The following ZSCAN32 variants were observed in gnomAD, a reference collection of about 807,000 sequenced individuals.
ZSCAN32 encodes the protein zinc finger and SCAN domain-containing protein 32.
Under a neutral mutation model 47.4 loss-of-function variants are expected in ZSCAN32, and 52 were observed. The observed-to-expected ratio is 1.10, with a 90% CI of 0.88 to 1.38. The LOEUF is 1.38. ZSCAN32 is among the 40% of genes most tolerant of loss of function. The probability of loss-of-function intolerance (pLI) is 0.00; values close to 1 mark genes in which losing one functional copy is unlikely to be tolerated. For synonymous variants in ZSCAN32, 346 were observed against 305.7 expected, an observed-to-expected ratio of 1.13 and a Z score of -1.38; for missense variants, 959 against 846.0, an observed-to-expected ratio of 1.13 and a Z score of -1.66.
Position 3,400,709 on chromosome 16 carries a change from G to C in ZSCAN32, c.-188+236C>G, listed in dbSNP as rs561857406. 4.6e-5 allele frequency among the ~76,000 whole-genome samples: 7 copies of C among 152,352 alleles called. No homozygotes were observed. The East Asian group carries it at 1.2e-3, about 25-fold the overall frequency. Reference sequence around the variant, plus strand: ...GACGAGATGAGCAGGGTCAAGGCCAGGGGGTCCCGGGGCGCCGGCGCTCAG... The same window carrying C: ...GACGAGATGAGCAGGGTCAAGGCCACGGGGTCCCGGGGCGCCGGCGCTCAG... On this transcript the variant is annotated intron_variant, in intron 1 of 6. Coordinates refer to ENST00000396852, the MANE Select transcript of ZSCAN32 (RefSeq NM_001284527.2).
chr16:3,387,603 C>A (rs2032169159), intron 5 of ZSCAN32, among the ~76,000 whole-genome samples: 1 of 152,196 alleles, frequency 6.6e-6, no homozygotes, highest in Non-Finnish European at 1.5e-5. Context: ...CTGAAGCGCA[C>A]CAGCCTCTTC....
intron 5 of ZSCAN32, among the ~76,000 whole-genome samples, chr16:3,385,840 C>G (rs534580011): frequency 0.075 from 11,350 of 152,114 alleles, 561 homozygotes; most frequent in Non-Finnish European, 0.11. Flanking sequence ...CCATAAAAAC[C>G]CTAGAAGAAA....
rs1192616819 is a variant in ZSCAN32 at position 3,393,629 on chromosome 16, G to A, written c.532+20C>T. 3 of 1,536,296 alleles carry A rather than the reference G, an allele frequency of 2.0e-6. No individual in the cohort carries two copies. Among genetic ancestry groups the A allele is most frequent in the African/African-American group, 1.4e-5 (1 of 72,552 alleles). ...ATTGTTCCTCACCTGCCTCAGGTGAGGACAGAGGCTTCTGCTTACCTTCTG... is the reference window on the plus strand; with the variant it reads ...ATTGTTCCTCACCTGCCTCAGGTGAAGACAGAGGCTTCTGCTTACCTTCTG... On this transcript the variant is annotated intron_variant, in intron 3 of 6. Transcript: ENST00000396852.
intron 2 of ZSCAN32, among the ~76,000 whole-genome samples, chr16:3,396,926 C>T (rs1303409551): frequency 6.6e-6 from 1 of 152,194 alleles, no homozygotes; most frequent in Non-Finnish European, 1.5e-5. Flanking sequence ...TTTCCCTGGC[C>T]TTGTTTTCGA....
Position 3,390,502 on chromosome 16 carries a change from T to C in ZSCAN32, c.548A>G (p.Gln183Arg), listed in dbSNP as rs1201240534. 4 of 1,548,726 alleles carry C rather than the reference T, an allele frequency of 2.6e-6. No homozygotes were observed. The East Asian group carries it at 9.8e-5, about 38-fold the overall frequency. Residue 183 changes from glutamine (Q) to arginine (R), a missense_variant, in exon 4 of 7, where the codon CAG becomes CGG. Coordinates refer to ENST00000396852, the MANE Select transcript of ZSCAN32 (RefSeq NM_001284527.2). Reference protein sequence around the residue: ...GEQSEAWLAPQAPRNLPQNTG... With the variant: ...GEQSEAWLAPRAPRNLPQNTG... ...GTTTTGAGGCAGGTTCCTGGGAGCC[T>C]GAGGAGCAAGCCAGGCTGGGGGAAA... is the stretch of plus-strand genomic sequence containing the variant.
chr16:3,394,096 T>C (rs980602421), intron 2 of ZSCAN32, among the ~76,000 whole-genome samples: 7 of 151,934 alleles, frequency 4.6e-5, no homozygotes, highest in African/African-American at 1.7e-4. Context: ...AGAAACCCCG[T>C]CTCTACTAAA....
intron 1 of ZSCAN32, among the ~76,000 whole-genome samples, chr16:3,398,712 G>T (rs965924870): frequency 1.9e-4 from 29 of 152,142 alleles, no homozygotes; most frequent in African/African-American, 6.5e-4. Flanking sequence ...TCTTTTTCCT[G>T]TCCTTCCCTA....
rs573669605 is a variant in ZSCAN32 at position 3,384,735 on chromosome 16, CTT to C, written c.956_957del (p.Lys319SerfsTer8). 1.4e-5 allele frequency: 22 copies of C among 1,614,222 alleles called. No homozygotes were observed. The South Asian group carries it at 2.4e-4, about 18-fold the overall frequency. ...KFKSLQLSYRKVRRGRVPEPC... is the reference protein window; with the variant it reads ...KFKSLQLSYRXVRRGRVPEPC... The stretch of plus-strand genomic sequence containing the variant: ...GGCTCAGGCACACGGCCTCTCCTCA[CTT>C]TGCGGTAACTCAACTGTAGGCTTTT... On this transcript the variant is annotated frameshift_variant, in exon 6 of 7. Coordinates refer to ENST00000396852, the MANE Select transcript of ZSCAN32 (RefSeq NM_001284527.2). LOFTEE classifies it high-confidence loss of function.
Position 3,384,586 on chromosome 16 carries a change from C to G in ZSCAN32, c.1107G>C (p.Gln369His), listed in dbSNP as rs765427247. Residue 369 changes from glutamine to histidine, a missense_variant, in exon 6 of 7, where the codon CAG (glutamine) becomes CAC (histidine). Transcript: ENST00000396852. ...SDIEAGELNHQNGEPTEVEDG... is the reference protein window; with the variant it reads ...SDIEAGELNHHNGEPTEVEDG... ...CTTCTACCTCCGTGGGTTCCCCATT[C>G]TGGTGATTCAGCTCTCCAGCCTCAA... 4 of 1,614,204 alleles carry G rather than the reference C, an allele frequency of 2.5e-6. No individual in the cohort carries two copies. Among genetic ancestry groups the G allele is most frequent in the Admixed American group, 3.3e-5 (2 of 60,020 alleles).
chr16:3,395,142 G>C (rs1461441812), intron 2 of ZSCAN32, among the ~76,000 whole-genome samples: 2 of 152,286 alleles, frequency 1.3e-5, no homozygotes, highest in East Asian at 3.9e-4. Flanking sequence ...TTGTCTTTCA[G>C]AGCCATCTTC....
chr16:3,384,302 TA>T, intron 6 of ZSCAN32, 156 bp downstream of exon 6: 2 of 1,021,116 alleles, frequency 2.0e-6, no homozygotes, highest in South Asian at 1.6e-5. Context: ...GCAAGGGGAA[TA>T]ACCTTTAACT....
In ZSCAN32 at chr16:3,383,143, C is replaced by G; in HGVS notation, c.1803G>C (p.Gly601=). The change falls in exon 7 of 7, where the codon GGG becomes GGC. Residue 601 remains glycine, a synonymous_variant. Transcript: ENST00000396852. ...AGACAATGCACTGGTAAGGCTTTTCCCCGGTATGGGTCCTCTGGTGGACAA... is the reference window on the plus strand; with the variant it reads ...AGACAATGCACTGGTAAGGCTTTTCGCCGGTATGGGTCCTCTGGTGGACAA... The part of the protein sequence containing the change: ...SLIVHQRTHT[G]EKPYQCIVCG... 6.2e-7 allele frequency: 1 copy of G among 1,614,128 alleles called. No homozygotes were observed.
chr16:3,390,359 AAGG>A, intron 4 of ZSCAN32, 61 bp downstream of exon 4: 3 of 1,449,730 alleles, frequency 2.1e-6, no homozygotes, highest in East Asian at 5.0e-5. Flanking sequence ...TGTCTCTGGA[AAGG>A]AGGAGGGTTT....
intron 6 of ZSCAN32, chr16:3,384,029 A>G (rs1245194402): frequency 1.2e-5 from 5 of 426,952 alleles, no homozygotes; most frequent in South Asian, 4.0e-5. Flanking sequence ...CAATTCTTGA[A>G]TGTTCTAACT....
In ZSCAN32 at chr16:3,393,799, T is replaced by C. The variant is rs890402774; in HGVS notation, c.382A>G (p.Lys128Glu). The change falls in exon 3 of 7, where the codon AAG becomes GAG. Residue 128 changes from lysine (K) to glutamate (E), a missense_variant. Lys to Glu is a moderately conservative substitution (Grantham distance 56). Coordinates refer to ENST00000396852, the MANE Select transcript of ZSCAN32 (RefSeq NM_001284527.2). ...TCCTTCATGAGTACTTTCAAGTCCT[T>C]CTCAGAATCTAGAACCTGAGAACAG... ...APGQQVLDSE[K>E]DLKVLMKEMA... 3.9e-6 allele frequency: 6 copies of C among 1,549,350 alleles called. No individual in the cohort carries two copies. The highest frequency in any genetic ancestry group is 1.7e-4 in the Middle Eastern group (1 of 6,008).
chr16:3,385,307 A>G (rs2031832220), intron 5 of ZSCAN32, among the ~76,000 whole-genome samples: 1 of 152,134 alleles, frequency 6.6e-6, no homozygotes, highest in South Asian at 2.1e-4. Flanking sequence ...GCCTGATGAC[A>G]GAGAGAGAAT....
chr16:3,397,391 C>T lies in ZSCAN32; in HGVS notation c.167G>A (p.Ser56Asn), dbSNP rs76097082. 4.2e-4 allele frequency: 647 copies of T among 1,554,174 alleles called. No homozygotes were observed. In the African/African-American group the frequency reaches 7.1e-3, roughly 17 times the overall value. ...QEVTGPHEAFSKLWELCCQWL... is the reference protein window; with the variant it reads ...QEVTGPHEAFNKLWELCCQWL... Reference sequence around the variant, plus strand: ...CTGACAACAGAGTTCCCAGAGTTTGCTAAAAGCTTCATGTGGGCCAGTTAC... The same window carrying T: ...CTGACAACAGAGTTCCCAGAGTTTGTTAAAAGCTTCATGTGGGCCAGTTAC... Residue 56 changes from serine (S) to asparagine (N), a missense_variant, in exon 2 of 7, where the codon AGC becomes AAC. Ser to Asn is a conservative substitution (Grantham distance 46). Transcript: ENST00000396852.
intron 5 of ZSCAN32, among the ~76,000 whole-genome samples, chr16:3,385,256 G>A (rs2031822603): frequency 6.6e-6 from 1 of 152,130 alleles, no homozygotes. Context: ...AACCCAGGAG[G>A]CAGAGGTTGC....
At chr16:3,394,436 G>C (rs1284760899) in intron 2 of ZSCAN32, among the ~76,000 whole-genome samples, 1 of 151,978 alleles carries the variant, frequency 6.6e-6, no homozygotes, top group African/African-American at 2.4e-5. Flanking sequence ...CATTTCCTCT[G>C]CCCCCCAAAT....
Sources: allele counts gnomAD v4.1 joint callset (sites outside exome capture counted in the v4.1 genomes callset), GRCh38; gene constraint gnomAD v4.1.1; transcripts MANE v1.5; gene names NCBI Gene and HGNC (gene_info 2026-07-23, HGNC 2026-07-21).